RAPGEF5: variants seen among roughly 807,000 people sequenced by gnomAD.
RAPGEF5 encodes the protein Rap guanine nucleotide exchange factor 5, also known as M-Ras-regulated GEF.
RAPGEF5 carries 65 observed loss-of-function variants against 125.2 expected under a neutral mutation model. That is an observed-to-expected ratio of 0.52 (90% CI 0.43 to 0.64). RAPGEF5 has a LOEUF of 0.64. Ranked by LOEUF, RAPGEF5 falls within the 30% of genes least tolerant of loss-of-function variation. The probability of loss-of-function intolerance (pLI) is 0.00; values close to 1 mark genes in which losing one functional copy is unlikely to be tolerated. For synonymous variants in RAPGEF5, 391 were observed against 385.9 expected (o/e 1.01, Z -0.16); for missense variants, 958 against 1,048.1 (o/e 0.91, Z 1.19).
intron 5 of RAPGEF5, among the ~76,000 whole-genome samples, chr7:22,299,232 T>C (rs1243905293): frequency 6.6e-6 from 1 of 152,184 alleles, no homozygotes; most frequent in East Asian, 1.9e-4. Context: ...CCTCTAAGTA[T>C]TGCTTTAGCT....
chr7:22,124,135 G>A (rs1782665052), intron 25 of RAPGEF5, among the ~76,000 whole-genome samples: 1 of 152,206 alleles, frequency 6.6e-6, no homozygotes, highest in African/African-American at 2.4e-5. Context: ...GTTCAAGGCA[G>A]GTTCAAGGCC....
chr7:22,203,353 C>T (rs1267084951), intron 9 of RAPGEF5, among the ~76,000 whole-genome samples: 5 of 152,190 alleles, frequency 3.3e-5, no homozygotes, highest in Non-Finnish European at 5.9e-5. Context: ...AGAAGGGAGA[C>T]AAGGAAGTTC....
intron 2 of RAPGEF5, among the ~76,000 whole-genome samples, chr7:22,316,569 C>T (rs1331246058): frequency 2.1e-5 from 3 of 146,336 alleles, no homozygotes; most frequent in Middle Eastern, 3.4e-3. Flanking sequence ...TGGCTCACTG[C>T]AGCCTAGGCT....
Position 22,120,107 on chromosome 7 carries a change from A to C in RAPGEF5, c.*2299T>G, listed in dbSNP as rs1359143094. On this transcript the variant is annotated 3_prime_UTR_variant, in exon 26 of 26. Coordinates refer to ENST00000665637, the MANE Select transcript of RAPGEF5 (RefSeq NM_012294.5). The surrounding 1 kb of genome is among the most constrained non-coding windows in gnomAD (Gnocchi z 4.0). Reference sequence around the variant, plus strand: ...AGAGATTTTAGACATTCAGAAGACAAGGATGGAAAAGCAAATCTTGACTGC... The same window carrying C: ...AGAGATTTTAGACATTCAGAAGACACGGATGGAAAAGCAAATCTTGACTGC... 1 of 152,250 alleles carries C rather than the reference A, an allele frequency of 6.6e-6. No homozygotes were observed. Among genetic ancestry groups the C allele is most frequent in the Non-Finnish European group, 1.5e-5 (1 of 68,048 alleles). The allele number at this position is 152,250 out of a possible 1,614,324, so 9.4% of individuals were successfully genotyped here.
At chr7:22,292,761 T>G (rs923967893) in intron 5 of RAPGEF5, among the ~76,000 whole-genome samples, 9 of 152,218 alleles carry the variant, frequency 5.9e-5, no homozygotes, top group Non-Finnish European at 1.2e-4. Context: ...GCTTTGTCTG[T>G]GTCTGTAGTG....
At position 22,145,234 on chromosome 7, in the gene RAPGEF5, T is replaced by G. The variant is rs1295528592; in HGVS notation, c.2008-12A>C. 1 of 1,600,466 alleles carries G rather than the reference T, an allele frequency of 6.2e-7. No homozygotes were observed. The highest frequency in any genetic ancestry group is 8.5e-7 in the Non-Finnish European group (1 of 1,172,168). On this transcript the variant is annotated splice_polypyrimidine_tract_variant and intron_variant, in intron 19 of 25. Transcript: ENST00000665637. ...TAGATCAGCTCTTGCTGAAAGAAAA[T>G]GTATTCATGCCAGGGTTTATTTATA...
chr7:22,140,464 T>C (rs554436270), intron 20 of RAPGEF5, among the ~76,000 whole-genome samples: 22 of 152,356 alleles, frequency 1.4e-4, no homozygotes, highest in African/African-American at 5.0e-4. Flanking sequence ...AACAGTTCAC[T>C]AGTCCTGACT....
rs369426517 is a variant in RAPGEF5 at position 22,245,578 on chromosome 7, T to A, written c.797-14659A>T. ...AATTAAAGACTGCCCATTTTGTATA[T>A]TTTTCAAGTCCATGTTGAAGGCACT... On this transcript the variant is annotated intron_variant, in intron 7 of 25. Transcript: ENST00000665637. Among the ~76,000 whole-genome samples the A allele has an allele frequency of 7.2e-5, 11 of 152,184 alleles. No homozygotes were observed. The East Asian group carries it at 7.7e-4, about 11-fold the overall frequency.
intron 11 of RAPGEF5, among the ~76,000 whole-genome samples, chr7:22,190,920 C>T (rs1464365844): frequency 3.3e-5 from 5 of 152,194 alleles, no homozygotes; most frequent in African/African-American, 4.8e-5. Context: ...TGGCTACACG[C>T]GGCCCCAGAT....
intron 1 of RAPGEF5, among the ~76,000 whole-genome samples, chr7:22,354,580 T>C (rs1056609200): frequency 3.3e-5 from 5 of 152,150 alleles, no homozygotes; most frequent in African/African-American, 9.7e-5. Flanking sequence ...AAAATTCTTA[T>C]GTTGAAGCCC....
chr7:22,226,334 G>C (rs1330350977), intron 8 of RAPGEF5, among the ~76,000 whole-genome samples: 2 of 151,946 alleles, frequency 1.3e-5, no homozygotes, highest in African/African-American at 4.8e-5. Flanking sequence ...ATTTTAAACA[G>C]AAATATAAAT....
chr7:22,323,501 G>A (rs1307468814), intron 1 of RAPGEF5, among the ~76,000 whole-genome samples: 2 of 152,196 alleles, frequency 1.3e-5, no homozygotes, highest in Non-Finnish European at 2.9e-5. Context: ...CAAGAGAATA[G>A]TTTTGCCTAC....
In RAPGEF5 at chr7:22,122,125, G is replaced by A; in HGVS notation, c.*281C>T. The A allele has an allele frequency of 2.8e-6, 1 of 353,144 alleles. No individual in the cohort carries two copies. Among genetic ancestry groups the A allele is most frequent in the Non-Finnish European group, 5.3e-6 (1 of 187,722 alleles). The allele number at this position is 353,144 out of a possible 1,614,324, so 21.9% of individuals were successfully genotyped here. Reference sequence around the variant, plus strand: ...ACATCTCATATTGAAAACTGGACTGGATCAACAATGTGATCATAAGAAACC... The same window carrying A: ...ACATCTCATATTGAAAACTGGACTGAATCAACAATGTGATCATAAGAAACC... On this transcript the variant is annotated 3_prime_UTR_variant, in exon 26 of 26. Coordinates refer to ENST00000665637, the MANE Select transcript of RAPGEF5 (RefSeq NM_012294.5).
At chr7:22,243,649 G>T (rs1236799543) in intron 7 of RAPGEF5, among the ~76,000 whole-genome samples, 2 of 152,024 alleles carry the variant, frequency 1.3e-5, no homozygotes, top group Non-Finnish European at 2.9e-5. Context: ...TATATTTATG[G>T]GATACAATAG....
intron 11 of RAPGEF5, among the ~76,000 whole-genome samples, chr7:22,170,088 T>C (rs1760141930): frequency 6.6e-6 from 1 of 151,976 alleles, no homozygotes; most frequent in Admixed American, 6.6e-5. Context: ...GAGTAGTTTT[T>C]TTGTTTGTTT....
chr7:22,195,582 T>C (rs1785129003), intron 9 of RAPGEF5, among the ~76,000 whole-genome samples: 1 of 152,194 alleles, frequency 6.6e-6, no homozygotes, highest in African/African-American at 2.4e-5. Flanking sequence ...TGAAACTCCC[T>C]GAGGACGACA....
intron 17 of RAPGEF5, among the ~76,000 whole-genome samples, chr7:22,151,706 C>T (rs1055325283): frequency 6.6e-6 from 1 of 152,052 alleles, no homozygotes; most frequent in Non-Finnish European, 1.5e-5. Flanking sequence ...TCAAGTGATC[C>T]GCCTGCCTTG....
At chr7:22,228,624 C>T (rs1158715563) in intron 8 of RAPGEF5, among the ~76,000 whole-genome samples, 1 of 151,746 alleles carries the variant, frequency 6.6e-6, no homozygotes, top group Non-Finnish European at 1.5e-5. Flanking sequence ...TCTCCTGCTT[C>T]GGCCTCCCAA....
chr7:22,163,716 T>A (rs1784076831), intron 12 of RAPGEF5, among the ~76,000 whole-genome samples: 1 of 152,206 alleles, frequency 6.6e-6, no homozygotes, highest in Admixed American at 6.5e-5. Context: ...CAATCTATTC[T>A]TGTTGTCTCC....
Sources: gnomAD v4.1 joint callset for allele counts (sites outside exome capture counted in the v4.1 genomes callset) on GRCh38, gnomAD v4.1.1 for gene constraint, Gnocchi (gnomAD v3.1) non-coding constraint, MANE v1.5 for transcripts, NCBI Gene and HGNC (gene_info 2026-07-23, HGNC 2026-07-21) for gene names.